SREBF2: variants seen among roughly 807,000 people sequenced by gnomAD.
SREBF2 encodes the protein sterol regulatory element binding transcription factor 2.
SREBF2 carries 55 observed loss-of-function variants against 113.1 expected under a neutral mutation model. The observed-to-expected ratio is 0.49, with a 90% CI of 0.39 to 0.61. The LOEUF (loss-of-function observed/expected upper bound fraction) is 0.61. Among genes scored for constraint, SREBF2 ranks in the 20% least tolerant of loss-of-function variants. SREBF2 has a pLI of 0.00. For synonymous variants in SREBF2, 593 were observed against 605.7 expected, an observed-to-expected ratio of 0.98 and a Z score of 0.31; for missense variants, 1,349 against 1,487.4, an observed-to-expected ratio of 0.91 and a Z score of 1.53.
chr22:41,877,328 C>T lies in SREBF2; in HGVS notation c.1486C>T (p.Pro496Ser). The T allele has an allele frequency of 6.2e-7, 1 of 1,614,192 alleles. No individual in the cohort carries two copies. The highest frequency in any genetic ancestry group is 8.5e-7 in the Non-Finnish European group (1 of 1,180,040). The change falls in exon 8 of 19, where the codon CCC (proline) becomes TCC (serine). Residue 496 changes from proline (P) to serine (S), a missense_variant. Pro to Ser is a moderately conservative substitution (Grantham distance 74, BLOSUM62 -1). Transcript: ENST00000361204. ...CACCTTCCTGTGCCTCTCCTTTAAC[C>T]CCCTGACTTCCCTGCTGCAGTGGGG... ...VLTFLCLSFNPLTSLLQWGGA... is the reference protein window; with the variant it reads ...VLTFLCLSFNSLTSLLQWGGA...
chr22:41,834,456 G>A (rs767889390), intron 1 of SREBF2: 4 of 152,688 alleles, frequency 2.6e-5, no homozygotes, highest in Non-Finnish European at 5.9e-5. Context: ...AGAGAGCTTA[G>A]GCAGAAACAC....
rs1374508939 is a variant in SREBF2 at position 41,833,154 on chromosome 22, C to T, written c.-117C>T. The T allele has an allele frequency of 2.7e-6, 2 of 734,420 alleles. No individual in the cohort carries two copies. The highest frequency in any genetic ancestry group is 3.4e-5 in the East Asian group (1 of 29,466). The allele number at this position is 734,420 out of a possible 1,614,324, so 45.5% of individuals were successfully genotyped here. On this transcript the variant is annotated 5_prime_UTR_variant, in exon 1 of 19. Transcript: ENST00000361204. The surrounding 1 kb of genome is among the most constrained non-coding windows in gnomAD (Gnocchi z 4.1). ...ACGCAAACATGGCGGCGGGTGGCAC[C>T]CGTCGGTGAGGCGGTGCCGGGCGGG... is the stretch of plus-strand genomic sequence containing the variant.
intron 5 of SREBF2, among the ~76,000 whole-genome samples, chr22:41,874,915 AG>A (rs953179914): frequency 1.4e-4 from 22 of 151,824 alleles, no homozygotes; most frequent in African/African-American, 5.4e-4. Context: ...CTTGGAAAAA[AG>A]AAAAAAAAAA....
chr22:41,905,284 G>A (rs982399092), intron 18 of SREBF2, among the ~76,000 whole-genome samples, 156 bp from the exon 19 acceptor site: 6 of 152,234 alleles, frequency 3.9e-5, no homozygotes, highest in Non-Finnish European at 8.8e-5. Flanking sequence ...GTGAGAGGCT[G>A]GACAAGTTCA....
At chr22:41,852,495 C>T (rs767301486) in intron 1 of SREBF2, among the ~76,000 whole-genome samples, 1 of 152,102 alleles carries the variant, frequency 6.6e-6, no homozygotes, top group Non-Finnish European at 1.5e-5. Context: ...AATCTGATCC[C>T]TTGTCACTCT....
chr22:41,889,365 G>A (rs983446506), intron 11 of SREBF2, among the ~76,000 whole-genome samples: 10 of 152,108 alleles, frequency 6.6e-5, no homozygotes, highest in Non-Finnish European at 2.9e-5. Context: ...GGGCTTAAGC[G>A]ATCTGCCCAC....
chr22:41,880,330 T>C (rs541447160), intron 9 of SREBF2, among the ~76,000 whole-genome samples: 1 of 148,180 alleles, frequency 6.7e-6, no homozygotes, highest in South Asian at 2.1e-4. Context: ...GGCAGGTAGA[T>C]CACTTGAGGT....
chr22:41,901,156 G>C (rs1263751512), intron 16 of SREBF2: 1 of 360,284 alleles, frequency 2.8e-6, no homozygotes, highest in Non-Finnish European at 5.5e-6. Context: ...GCTGAAAGTG[G>C]AGCATCACCT....
chr22:41,892,208 C>T (rs1221482878), intron 11 of SREBF2, among the ~76,000 whole-genome samples: 3 of 152,194 alleles, frequency 2.0e-5, no homozygotes, highest in African/African-American at 7.2e-5. Context: ...CCCAGCTGCC[C>T]CTTCACTCCA....
intron 1 of SREBF2, among the ~76,000 whole-genome samples, chr22:41,864,257 TATATACAC>T (rs1331799374): frequency 2.4e-3 from 171 of 72,720 alleles, no homozygotes; most frequent in Middle Eastern, 7.5e-3. Context: ...TATATATATA[TATATACAC>T]ACACACACAC....
chr22:41,844,564 C>A (rs947806875), intron 1 of SREBF2, among the ~76,000 whole-genome samples: 1 of 152,136 alleles, frequency 6.6e-6, no homozygotes, highest in South Asian at 2.1e-4. Context: ...AGAAATGAAT[C>A]CTAAACTATC....
At position 41,833,451 on chromosome 22, in the gene SREBF2, GC is replaced by G. The variant is rs2076733462; in HGVS notation, c.88+97del. 8.9e-7 allele frequency: 1 copy of G among 1,129,566 alleles called. No individual in the cohort carries two copies. The allele number at this position is 1,129,566 out of a possible 1,614,324, so 70.0% of individuals were successfully genotyped here. On this transcript the variant is annotated intron_variant, in intron 1 of 18. Coordinates refer to ENST00000361204, the MANE Select transcript of SREBF2 (RefSeq NM_004599.4). The surrounding 1 kb of genome is among the most constrained non-coding windows in gnomAD (Gnocchi z 4.1). Reference sequence around the variant, plus strand: ...GTGCGCGTGCGCCCACCCCCCGACAGCCCCGGTTCGCGCGGGAAGAACCCCG... The same window carrying G: ...GTGCGCGTGCGCCCACCCCCCGACAGCCCGGTTCGCGCGGGAAGAACCCCG...
At chr22:41,871,913 A>AG (rs2077147248) in intron 4 of SREBF2, among the ~76,000 whole-genome samples, 1 of 150,186 alleles carries the variant, frequency 6.7e-6, no homozygotes, top group Non-Finnish European at 1.5e-5. Context: ...AAAAAAAAAA[A>AG]AGCTACTGAT....
At chr22:41,874,402 A>G (rs2077173727) in intron 5 of SREBF2, among the ~76,000 whole-genome samples, 1 of 152,226 alleles carries the variant, frequency 6.6e-6, no homozygotes, top group Non-Finnish European at 1.5e-5. Flanking sequence ...AAGGAAAAGA[A>G]AGAAAAAAGA....
intron 1 of SREBF2, among the ~76,000 whole-genome samples, chr22:41,853,416 A>G (rs1186400473): frequency 2.6e-5 from 4 of 152,124 alleles, no homozygotes; most frequent in African/African-American, 4.8e-5. Flanking sequence ...GGAACTATTG[A>G]CTTGCTGGAT....
At chr22:41,905,346 TGTGAGCGTTCA>T in intron 18 of SREBF2, 83 bp from the exon 19 acceptor site, 6 of 1,207,666 alleles carry the variant, frequency 5.0e-6, no homozygotes, top group Non-Finnish European at 5.9e-6. Context: ...CCAGGATGGA[TGTGAGCGTTCA>T]GTGAATGAGT....
chr22:41,833,259 C>G lies in SREBF2; in HGVS notation c.-12C>G. 1 of 1,522,500 alleles carries G rather than the reference C, an allele frequency of 6.6e-7. No homozygotes were observed. Among genetic ancestry groups the G allele is most frequent in the Non-Finnish European group, 8.8e-7 (1 of 1,135,416 alleles). 94.3% of individuals were successfully genotyped at this position (1,522,500 alleles called of 1,614,324 possible). On this transcript the variant is annotated 5_prime_UTR_variant, in exon 1 of 19. Transcript: ENST00000361204. This position sits in a 1 kb window ranked among gnomAD's most constrained non-coding sequence, Gnocchi z 4.1. The stretch of plus-strand genomic sequence containing the variant: ...CGGGACGGCAGGGGGGGCTTCTGCG[C>G]TGAGCCGGGCGATGGACGACAGCGG...
Position 41,905,489 on chromosome 22 carries a change from G to A in SREBF2, c.3255G>A (p.Leu1085=). 1 of 1,580,080 alleles carries A rather than the reference G, an allele frequency of 6.3e-7. No homozygotes were observed. Among genetic ancestry groups the A allele is most frequent in the East Asian group, 2.3e-5 (1 of 43,160 alleles). The change falls in exon 19 of 19, where the codon CTG becomes CTA. Residue 1085 remains leucine (L), a synonymous_variant. Transcript: ENST00000361204. ...AGCGAGAGCGGGCCACCGCCATCCT[G>A]CTGGCCTGCCGCCACCTGCCCCTCT... ...PGQRERATAI[L]LACRHLPLSF... is the part of the protein sequence containing the mutation.
intron 1 of SREBF2, among the ~76,000 whole-genome samples, chr22:41,862,041 A>G (rs777686076): frequency 6.6e-6 from 1 of 151,484 alleles, no homozygotes; most frequent in Admixed American, 6.6e-5. Flanking sequence ...GGTAACAAAT[A>G]CCTGTTAAAG....
Sources: allele counts gnomAD v4.1 joint callset (sites outside exome capture counted in the v4.1 genomes callset), GRCh38; gene constraint gnomAD v4.1.1; non-coding constraint Gnocchi (gnomAD v3.1); transcripts MANE v1.5; gene names NCBI Gene and HGNC (gene_info 2026-07-23, HGNC 2026-07-21).